Variants in SMAD1 observed in about 807,000 individuals in gnomAD.
The protein encoded by SMAD1 is MAD, mothers against decapentaplegic homolog 1.
A neutral mutation model predicts 41.6 loss-of-function variants in SMAD1; 6 were observed. The observed-to-expected ratio is 0.14, with a 90% CI of 0.08 to 0.28. The LOEUF is 0.28. SMAD1 is among the 10% of genes least tolerant of loss of function. The probability of loss-of-function intolerance (pLI) is 1.00; values close to 1 mark genes in which losing one functional copy is unlikely to be tolerated. For synonymous variants in SMAD1, 206 were observed against 203.2 expected, an observed-to-expected ratio of 1.01 and a Z score of -0.12; for missense variants, 379 against 582.6, an observed-to-expected ratio of 0.65 and a Z score of 3.60.
intron 5 of SMAD1, among the ~76,000 whole-genome samples, chr4:145,553,150 A>G (rs116334910): frequency 0.015 from 2,285 of 151,526 alleles, 67 homozygotes; most frequent in African/African-American, 0.052. Flanking sequence ...AGCTCAAGCA[A>G]CCTGTCCACC....
intron 4 of SMAD1, chr4:145,545,770 A>G (rs1042028389): frequency 3.3e-5 from 5 of 152,104 alleles, no homozygotes; most frequent in Admixed American, 2.0e-4. Context: ...AGATCATTAT[A>G]TATTGGTATG....
intron 5 of SMAD1, among the ~76,000 whole-genome samples, chr4:145,550,716 A>T (rs1732509317): frequency 6.6e-6 from 1 of 152,180 alleles, no homozygotes. Context: ...AAATTATGTA[A>T]GTCAGTTTCC....
chr4:145,514,681 G>T lies in SMAD1; in HGVS notation c.68G>T (p.Gly23Val), dbSNP rs778232288. Residue 23 changes from glycine to valine, a missense_variant, in exon 2 of 7, where the codon GGC becomes GTC. By Grantham distance (109) the Gly-to-Val change is moderately radical. Around this residue, in one of 3 missense-constraint regions of SMAD1, gnomAD observed 64 missense variants for 153.9 expected, o/e 0.42. Coordinates refer to ENST00000302085, the MANE Select transcript of SMAD1 (RefSeq NM_005900.3). This position sits in a 1 kb window ranked among gnomAD's most constrained non-coding sequence, Gnocchi z 4.7. ...AAGAGACTTCTTGGGTGGAAACAGGGCGATGAAGAAGAAAAATGGGCAGAG... is the reference window on the plus strand; with the variant it reads ...AAGAGACTTCTTGGGTGGAAACAGGTCGATGAAGAAGAAAAATGGGCAGAG... ...AVKRLLGWKQ[G>V]DEEEKWAEKA... 1 of 1,613,906 alleles carries T rather than the reference G, an allele frequency of 6.2e-7. No homozygotes were observed. The highest frequency in any genetic ancestry group is 1.3e-5 in the African/African-American group (1 of 74,852).
At chr4:145,533,196 AG>A (rs142470994) in intron 2 of SMAD1, among the ~76,000 whole-genome samples, 7,536 of 152,308 alleles carry the variant, frequency 0.049, 235 homozygotes, top group Non-Finnish European at 0.07. Context: ...ACTTCTTTCT[AG>A]GGCTGGCAGC....
chr4:145,515,036 A>G (rs1468865538), intron 2 of SMAD1, 23 bp downstream of exon 2: 11 of 1,574,204 alleles, frequency 7.0e-6, no homozygotes, highest in Non-Finnish European at 8.6e-6. Context: ...TTTTATGTTG[A>G]TGTGCTTTGT....
chr4:145,525,298 A>G (rs1730968400), intron 2 of SMAD1, among the ~76,000 whole-genome samples: 1 of 152,230 alleles, frequency 6.6e-6, no homozygotes. Flanking sequence ...CATCATGACT[A>G]ATAAGCATGA....
In SMAD1 at chr4:145,546,853, TCTGCCTTGGG is replaced by T; in HGVS notation, c.931_940del (p.Leu311SerfsTer67). On this transcript the variant is annotated frameshift_variant, in exon 5 of 7. Transcript: ENST00000302085. LOFTEE classifies it high-confidence loss of function. Reference sequence around the variant, plus strand: ...GATCCTTCCAACAATAAGAACCGTTTCTGCCTTGGGCTGCTCTCCAATGTTAACCGGAATT... The same window carrying T: ...GATCCTTCCAACAATAAGAACCGTTTCTGCTCTCCAATGTTAACCGGAATT... The T allele has an allele frequency of 6.2e-7, 1 of 1,614,210 alleles. No individual in the cohort carries two copies. Among genetic ancestry groups the T allele is most frequent in the Non-Finnish European group, 8.5e-7 (1 of 1,180,014 alleles).
chr4:145,539,666 T>C, intron 2 of SMAD1, 138 bp from the exon 3 acceptor site: 1 of 781,352 alleles, frequency 1.3e-6, no homozygotes, highest in South Asian at 1.8e-5. Flanking sequence ...TTCATTTGAA[T>C]GATGCTTTTG....
chr4:145,480,959 C>CAA (rs112839410), upstream of SMAD1, among the ~76,000 whole-genome samples: 3,324 of 135,422 alleles, frequency 0.025, 117 homozygotes, highest in African/African-American at 0.068. Context: ...ATTTATTCCT[C>CAA]AAAAAAAAAT....
chr4:145,503,263 A>G (rs903320725), intron 1 of SMAD1, among the ~76,000 whole-genome samples: 4 of 152,054 alleles, frequency 2.6e-5, no homozygotes, highest in Admixed American at 1.3e-4. Context: ...TGCTGCTGTG[A>G]ACTGAGAGCA....
chr4:145,546,632 A>G, intron 4 of SMAD1, 71 bp from the exon 5 acceptor site: 1 of 1,078,098 alleles, frequency 9.3e-7, no homozygotes, highest in Non-Finnish European at 1.4e-6. Context: ...GAGCCAATTC[A>G]ACAACACGGT....
intron 2 of SMAD1, among the ~76,000 whole-genome samples, chr4:145,538,703 GTT>G (rs1731752037): frequency 6.6e-6 from 1 of 152,160 alleles, no homozygotes; most frequent in Admixed American, 6.5e-5. Flanking sequence ...ATAATCATAA[GTT>G]TTAAATCTCT....
intron 5 of SMAD1, among the ~76,000 whole-genome samples, chr4:145,552,242 CA>C (rs1284218611): frequency 6.6e-6 from 1 of 151,914 alleles, no homozygotes; most frequent in Non-Finnish European, 1.5e-5. Flanking sequence ...TATATCAGGC[CA>C]AAAAAATGGC....
rs72946725 is a variant in SMAD1, at chr4:145,512,634, C to T, written c.-176-1804C>T. Among the ~76,000 whole-genome samples, 1,452 of 152,094 alleles carry T rather than the reference C, an allele frequency of 9.5e-3. 29 individuals carry two copies. Among genetic ancestry groups the T allele is most frequent in the African/African-American group, 0.033 (1,364 of 41,500 alleles). ...AATCTTCAACCTTGTCTTCTCTTTC[C>T]TTGACATAGTAAATAGTAATCATTA... On this transcript the variant is annotated intron_variant, in intron 1 of 6. Coordinates refer to ENST00000302085, the MANE Select transcript of SMAD1 (RefSeq NM_005900.3).
chr4:145,554,975 A>G (rs1171957549), intron 6 of SMAD1, among the ~76,000 whole-genome samples: 1 of 152,154 alleles, frequency 6.6e-6, no homozygotes, highest in African/African-American at 2.4e-5. Flanking sequence ...TTACTTGTTA[A>G]TCATCCCTTA....
intron 1 of SMAD1, among the ~76,000 whole-genome samples, chr4:145,508,436 A>G (rs1729904673): frequency 6.6e-6 from 1 of 152,042 alleles, no homozygotes; most frequent in South Asian, 2.1e-4. Flanking sequence ...TCTATATTTT[A>G]TTTTCCTTAC....
chr4:145,523,195 C>G (rs969311123), intron 2 of SMAD1, among the ~76,000 whole-genome samples: 2 of 152,130 alleles, frequency 1.3e-5, no homozygotes, highest in African/African-American at 2.4e-5. Context: ...TGTGCCTGCC[C>G]CAGAAGGTTA....
intron 2 of SMAD1, 128 bp downstream of exon 2, chr4:145,515,141 TG>T: frequency 3.5e-6 from 2 of 578,666 alleles, no homozygotes; most frequent in Non-Finnish European, 5.7e-6. Flanking sequence ...AAACTGTGTG[TG>T]TGTGTGTGTG....
intron 2 of SMAD1, among the ~76,000 whole-genome samples, chr4:145,535,844 C>G (rs574798241): frequency 6.6e-6 from 1 of 151,752 alleles, no homozygotes; most frequent in Non-Finnish European, 1.5e-5. Context: ...CAAATAGCAA[C>G]AGATATATTC....
Sources: gnomAD v4.1 joint callset for allele counts (sites outside exome capture counted in the v4.1 genomes callset) on GRCh38, gnomAD v4.1.1 for gene constraint, gnomAD v4.1.1 regional missense constraint, Gnocchi (gnomAD v3.1) non-coding constraint, MANE v1.5 for transcripts, NCBI Gene and HGNC (gene_info 2026-07-23, HGNC 2026-07-21) for gene names.